Variants in TOP6BL observed in about 807,000 individuals in gnomAD.
The protein encoded by TOP6BL is TOP6B like initiator of meiotic double strand breaks, also known as type 2 DNA topoisomerase 6 subunit B-like.
At chr11:66,824,836 C>T in the TOP6BL span, among the ~76,000 whole-genome samples, 1 of 151,896 alleles carries the variant, frequency 6.6e-6, no homozygotes, top group African/African-American at 2.4e-5. Context: ...TTTCTTAATC[C>T]AGTCTATCAT....
the TOP6BL span, among the ~76,000 whole-genome samples, chr11:66,770,366 A>C: frequency 6.6e-6 from 1 of 152,330 alleles, no homozygotes; most frequent in East Asian, 1.9e-4. Flanking sequence ...CCATGAAAAG[A>C]TAGATGCTCA....
the TOP6BL span, among the ~76,000 whole-genome samples, chr11:66,764,044 G>T: frequency 6.6e-6 from 1 of 152,162 alleles, no homozygotes; most frequent in East Asian, 1.9e-4. Flanking sequence ...AGTTATAGTA[G>T]TGAACAAGAC....
the TOP6BL span, chr11:66,748,292 G>A: frequency 9.7e-7 from 1 of 1,035,580 alleles, no homozygotes; most frequent in Non-Finnish European, 1.4e-6. Context: ...GGAAATTAGA[G>A]TTACTAATTT....
the TOP6BL span, chr11:66,843,320 A>T: frequency 6.6e-7 from 1 of 1,526,514 alleles, no homozygotes; most frequent in Non-Finnish European, 8.8e-7. Context: ...CCGCGCGCTC[A>T]CCAAGTCCTC....
the TOP6BL span, among the ~76,000 whole-genome samples, chr11:66,802,514 T>C: frequency 1.3e-5 from 2 of 151,998 alleles, no homozygotes; most frequent in African/African-American, 4.8e-5. Flanking sequence ...CCTAGGCTGG[T>C]GTCAAACTCC....
At chr11:66,801,371 C>T in the TOP6BL span, among the ~76,000 whole-genome samples, 2 of 152,186 alleles carry the variant, frequency 1.3e-5, no homozygotes, top group Non-Finnish European at 2.9e-5. Context: ...GTTCCAATCC[C>T]ATTTAGGCAT....
At chr11:66,817,318 A>G in the TOP6BL span, among the ~76,000 whole-genome samples, 38 of 152,234 alleles carry the variant, frequency 2.5e-4, no homozygotes, top group African/African-American at 6.7e-4. Flanking sequence ...GTGTTTATCT[A>G]TTAGATGGGT....
At chr11:66,747,205 G>A in the TOP6BL span, among the ~76,000 whole-genome samples, 2 of 151,998 alleles carry the variant, frequency 1.3e-5, no homozygotes, top group Non-Finnish European at 2.9e-5. Context: ...CGAAGTGCTG[G>A]GATTACAGGT....
At chr11:66,804,496 C>T in the TOP6BL span, among the ~76,000 whole-genome samples, 1 of 152,122 alleles carries the variant, frequency 6.6e-6, no homozygotes. Flanking sequence ...TCTTGAGTGC[C>T]ATACTAAGGA....
At chr11:66,766,999 G>T in the TOP6BL span, among the ~76,000 whole-genome samples, 1 of 151,984 alleles carries the variant, frequency 6.6e-6, no homozygotes, top group Non-Finnish European at 1.5e-5. Flanking sequence ...TCCTCATTAT[G>T]TAATTGATTT....
chr11:66,828,486 A>G, the TOP6BL span: 2 of 679,852 alleles, frequency 2.9e-6, no homozygotes, highest in Admixed American at 2.5e-5. Context: ...CCTTTCAGCA[A>G]GGAAGTCTGT....
chr11:66,761,377 A>C, the TOP6BL span, among the ~76,000 whole-genome samples: 3 of 152,226 alleles, frequency 2.0e-5, no homozygotes, highest in Non-Finnish European at 4.4e-5. Flanking sequence ...CGTCTCAAAA[A>C]AAAAGAAAAA....
the TOP6BL span, among the ~76,000 whole-genome samples, chr11:66,821,245 T>C: frequency 6.6e-6 from 1 of 152,054 alleles, no homozygotes; most frequent in African/African-American, 2.4e-5. Context: ...AATTCATCAG[T>C]GTATTAGTAA....
chr11:66,842,746 G>A, the TOP6BL span: 3 of 1,174,990 alleles, frequency 2.6e-6, no homozygotes, highest in Non-Finnish European at 3.5e-6. Context: ...GGATGCGGTG[G>A]GAAGAGCCCC....
the TOP6BL span, among the ~76,000 whole-genome samples, chr11:66,804,670 G>T: frequency 6.6e-6 from 1 of 152,216 alleles, no homozygotes; most frequent in Non-Finnish European, 1.5e-5. Context: ...GGGTGCAGTG[G>T]CTTACACCTG....
the TOP6BL span, among the ~76,000 whole-genome samples, chr11:66,778,150 C>T: frequency 2.7e-5 from 4 of 150,734 alleles, no homozygotes; most frequent in African/African-American, 9.8e-5. Flanking sequence ...GATTCTCCTG[C>T]CTCAGCCTCC....
At chr11:66,827,205 C>A in the TOP6BL span, among the ~76,000 whole-genome samples, 1 of 151,348 alleles carries the variant, frequency 6.6e-6, no homozygotes, top group Non-Finnish European at 1.5e-5. Flanking sequence ...CATGCGCCAC[C>A]ACGCCCAGCT....
At chr11:66,800,920 C>T in the TOP6BL span, 1 of 1,198,768 alleles carries the variant, frequency 8.3e-7, no homozygotes, top group Non-Finnish European at 1.2e-6. Context: ...TAATTAGTTA[C>T]TGAATTCTAG....
the TOP6BL span, among the ~76,000 whole-genome samples, chr11:66,792,667 C>G: frequency 6.6e-6 from 1 of 152,268 alleles, no homozygotes; most frequent in East Asian, 1.9e-4. Context: ...TCATTATCCT[C>G]TTCTATAAAA....
Sources: allele counts gnomAD v4.1 joint callset (sites outside exome capture counted in the v4.1 genomes callset), GRCh38; gene constraint gnomAD v4.1.1; transcripts MANE v1.5; gene names NCBI Gene and HGNC (gene_info 2026-07-23, HGNC 2026-07-21).